The following STXBP5L variants were observed in gnomAD, a reference collection of about 807,000 sequenced individuals.
STXBP5L encodes syntaxin-binding protein 5-like.
In STXBP5L, 65 loss-of-function variants were observed where a neutral mutation model predicts 144.5. The ratio of observed to expected loss-of-function variants is 0.45; its 90% CI spans 0.37 to 0.55. The LOEUF (loss-of-function observed/expected upper bound fraction) is 0.55. Ranked by LOEUF, STXBP5L falls within the 20% of genes least tolerant of loss-of-function variation. The probability of loss-of-function intolerance (pLI) is 0.00; values close to 1 mark genes in which losing one functional copy is unlikely to be tolerated. For synonymous variants in STXBP5L, 505 were observed against 469.6 expected (o/e 1.08, Z -0.97); for missense variants, 1,298 against 1,405.5 (o/e 0.92, Z 1.22).
At chr3:121,238,482 G>C (rs994794781) in intron 12 of STXBP5L, among the ~76,000 whole-genome samples, 1 of 151,990 alleles carries the variant, frequency 6.6e-6, no homozygotes, top group Non-Finnish European at 1.5e-5. Context: ...CTCCAACACT[G>C]GGGACTAAAT....
chr3:121,213,226 G>A (rs759667687), intron 10 of STXBP5L, among the ~76,000 whole-genome samples: 1 of 152,018 alleles, frequency 6.6e-6, no homozygotes, highest in African/African-American at 2.4e-5. Context: ...TGATTGCCCT[G>A]GCCAAAACTT....
Position 121,381,298 on chromosome 3 carries a change from C to A in STXBP5L, c.2353C>A (p.Arg785=). ...TTTTTTATTTATTTCCATAGAAAAC[C>A]GAGAAAATTCCTATAATCGTTCTAG... The part of the protein sequence containing the change: ...ISLPVTTEEN[R]ENSYNRSRSS... Residue 785 remains arginine, a synonymous_variant, in exon 22 of 27, where the codon CGA becomes AGA. Transcript: ENST00000471454. 2 of 1,576,812 alleles carry A rather than the reference C, an allele frequency of 1.3e-6. No homozygotes were observed. The highest frequency in any genetic ancestry group is 1.7e-6 in the Non-Finnish European group (2 of 1,168,802).
chr3:121,394,782 T>A (rs958756492), intron 22 of STXBP5L, among the ~76,000 whole-genome samples: 6 of 151,882 alleles, frequency 4.0e-5, no homozygotes, highest in African/African-American at 1.5e-4. Flanking sequence ...TTTTTTGCAT[T>A]TTTTAGTAGA....
chr3:120,956,543 G>T (rs1688687), intron 3 of STXBP5L, among the ~76,000 whole-genome samples: 1 of 151,674 alleles, frequency 6.6e-6, no homozygotes, highest in Non-Finnish European at 1.5e-5. Context: ...ATTTCATTGT[G>T]TGTATATATC....
At position 120,928,150 on chromosome 3, in the gene STXBP5L, A is replaced by G. The variant is rs193211187; in HGVS notation, c.189+18383A>G. On this transcript the variant is annotated intron_variant, in intron 2 of 26. Coordinates refer to ENST00000471454, the MANE Select transcript of STXBP5L (RefSeq NM_001308330.2). ...TTTGATAATTATACACATCTGTGTA[A>G]CCATCAGTCAAAACAAGATATAAAA... 3.2e-3 allele frequency among the ~76,000 whole-genome samples: 492 copies of G among 152,318 alleles called. 2 individuals are homozygous for G. The highest frequency in any genetic ancestry group is 0.011 in the African/African-American group (470 of 41,574).
intron 7 of STXBP5L, among the ~76,000 whole-genome samples, chr3:121,128,652 C>A (rs1419785390): frequency 6.6e-6 from 1 of 152,016 alleles, no homozygotes; most frequent in East Asian, 1.9e-4. Flanking sequence ...TAATAAGCAG[C>A]AAGGCTGGAG....
intron 16 of STXBP5L, among the ~76,000 whole-genome samples, chr3:121,256,203 C>T (rs2050201463): frequency 6.6e-6 from 1 of 151,928 alleles, no homozygotes; most frequent in South Asian, 2.1e-4. Context: ...TATATAAAGA[C>T]ATTATAATAG....
chr3:121,377,066 G>T (rs953589694), intron 20 of STXBP5L, among the ~76,000 whole-genome samples: 13 of 152,136 alleles, frequency 8.5e-5, no homozygotes, highest in African/African-American at 3.1e-4. Flanking sequence ...TGTGATTTTT[G>T]CACATTGATT....
chr3:120,940,569 A>G (rs1710515213), intron 2 of STXBP5L, among the ~76,000 whole-genome samples: 2 of 151,802 alleles, frequency 1.3e-5, no homozygotes, highest in Admixed American at 1.3e-4. Flanking sequence ...TAGGGTCCAG[A>G]GTAGAGAGAA....
At chr3:121,152,289 A>G (rs2045959695) in intron 7 of STXBP5L, among the ~76,000 whole-genome samples, 188 bp from the exon 8 acceptor site, 1 of 152,024 alleles carries the variant, frequency 6.6e-6, no homozygotes, top group African/African-American at 2.4e-5. Flanking sequence ...ATTTATTGGT[A>G]AGTGTTCATA....
intron 7 of STXBP5L, among the ~76,000 whole-genome samples, chr3:121,137,125 T>C (rs2045293388): frequency 6.6e-6 from 1 of 152,146 alleles, no homozygotes; most frequent in South Asian, 2.1e-4. Context: ...ACCTATCAAG[T>C]ATTATGCTAA....
At chr3:121,122,798 CTT>C (rs2044529183) in intron 7 of STXBP5L, among the ~76,000 whole-genome samples, 1 of 151,368 alleles carries the variant, frequency 6.6e-6, no homozygotes, top group South Asian at 2.1e-4. Context: ...TAGGGACACT[CTT>C]GGGCAAAATC....
chr3:121,134,117 T>A (rs2045128493), intron 7 of STXBP5L, among the ~76,000 whole-genome samples: 1 of 152,132 alleles, frequency 6.6e-6, no homozygotes, highest in Non-Finnish European at 1.5e-5. Context: ...TTATTACATT[T>A]ATGAAGGCTG....
chr3:121,079,913 A>G (rs1379485415), intron 5 of STXBP5L, among the ~76,000 whole-genome samples: 1 of 152,196 alleles, frequency 6.6e-6, no homozygotes, highest in Non-Finnish European at 1.5e-5. Flanking sequence ...TAGTGCTGTC[A>G]GTGGAGTATT....
intron 22 of STXBP5L, among the ~76,000 whole-genome samples, chr3:121,390,793 C>A (rs1337540786): frequency 6.6e-6 from 1 of 152,052 alleles, no homozygotes; most frequent in Non-Finnish European, 1.5e-5. Flanking sequence ...GTAACTCAAC[C>A]TTTCTCTCTG....
chr3:121,293,179 C>G (rs1456802210), intron 19 of STXBP5L, among the ~76,000 whole-genome samples: 2 of 151,910 alleles, frequency 1.3e-5, no homozygotes, highest in African/African-American at 4.8e-5. Flanking sequence ...ATGGATGAAT[C>G]CAAAATAATT....
chr3:121,305,319 A>G (rs2043300567), intron 19 of STXBP5L, among the ~76,000 whole-genome samples: 1 of 152,292 alleles, frequency 6.6e-6, no homozygotes, highest in South Asian at 2.1e-4. Context: ...TTTGTCTGAA[A>G]CCAGCACAAT....
At chr3:121,118,108 A>G (rs906959217) in intron 6 of STXBP5L, among the ~76,000 whole-genome samples, 6 of 151,028 alleles carry the variant, frequency 4.0e-5, no homozygotes, top group African/African-American at 1.5e-4. Flanking sequence ...ACTGAGCTCT[A>G]TTATATGATA....
chr3:120,991,238 C>G (rs1483430421), intron 3 of STXBP5L, among the ~76,000 whole-genome samples: 1 of 151,676 alleles, frequency 6.6e-6, no homozygotes, highest in Non-Finnish European at 1.5e-5. Flanking sequence ...AAATGCTCAT[C>G]ATCACTGGCC....
Sources: gnomAD v4.1 joint callset for allele counts (sites outside exome capture counted in the v4.1 genomes callset) on GRCh38, gnomAD v4.1.1 for gene constraint, MANE v1.5 for transcripts, NCBI Gene and HGNC (gene_info 2026-07-23, HGNC 2026-07-21) for gene names.